PHF1: variants seen among roughly 807,000 people sequenced by gnomAD.
PHF1 encodes polycomb-like 1.
In PHF1, 16 loss-of-function variants were observed where a neutral mutation model predicts 69.4. The ratio of observed to expected loss-of-function variants is 0.23; its 90% CI spans 0.16 to 0.35. The LOEUF (loss-of-function observed/expected upper bound fraction) is 0.35. Among genes scored for constraint, PHF1 ranks in the 10% least tolerant of loss-of-function variants. The pLI, the probability that PHF1 is intolerant of heterozygous loss-of-function variation, is 1.00. For missense variants in PHF1, 515 were observed against 732.8 expected, an observed-to-expected ratio of 0.70 and a Z score of 3.43; for synonymous variants, 274 against 275.0, an observed-to-expected ratio of 1.00 and a Z score of 0.04.
chr6:33,415,470 G>A, intron 13 of PHF1, 120 bp from the exon 14 acceptor site: 1 of 1,252,726 alleles, frequency 8.0e-7, no homozygotes, highest in Non-Finnish European at 1.2e-6. Context: ...ACTAGTGTCT[G>A]GTAGCCAGTA....
chr6:33,410,498 C>T (rs1182701341), upstream of PHF1: 2 of 123,182 alleles, frequency 1.6e-5, no homozygotes, highest in Non-Finnish European at 3.5e-5. Context: ...GGGGCTCAGT[C>T]CTCCCAGGTG....
chr6:33,410,442 C>T (rs897149723), upstream of PHF1: 1 of 151,914 alleles, frequency 6.6e-6, no homozygotes, highest in Non-Finnish European at 1.5e-5. Context: ...CGCACGCCCG[C>T]CGACTCCCTC....
In PHF1 at chr6:33,412,433, C is replaced by G; in HGVS notation, c.159+11C>G. 1 of 1,614,190 alleles carries G rather than the reference C, an allele frequency of 6.2e-7. No homozygotes were observed. The highest frequency in any genetic ancestry group is 8.5e-7 in the Non-Finnish European group (1 of 1,179,986). On this transcript the variant is annotated intron_variant, in intron 2 of 14. Transcript: ENST00000374516. This position sits in a 1 kb window ranked among gnomAD's most constrained non-coding sequence, Gnocchi z 4.2. The stretch of plus-strand genomic sequence containing the variant: ...GGTACCATCAAAAAGGTAAGACCTT[C>G]TACCTCTGACCTTCTTCCTAGTTCC...
Position 33,412,874 on chromosome 6 carries a change from C to A in PHF1, c.337+81C>A. On this transcript the variant is annotated intron_variant, in intron 4 of 14. Coordinates refer to ENST00000374516, the MANE Select transcript of PHF1 (RefSeq NM_024165.3). The surrounding 1 kb of genome is among the most constrained non-coding windows in gnomAD (Gnocchi z 4.2). ...CTATATCACCTGTCCTGGCCTTAGT[C>A]CCCAAGCCACTGCTCTGGCCAGGCT... 2 of 1,157,540 alleles carry A rather than the reference C, an allele frequency of 1.7e-6. No individual in the cohort carries two copies. The highest frequency in any genetic ancestry group is 1.3e-6 in the Non-Finnish European group (1 of 769,808). The allele number at this position is 1,157,540 out of a possible 1,614,324, so 71.7% of individuals were successfully genotyped here.
At position 33,414,634 on chromosome 6, in the gene PHF1, G is replaced by A; in HGVS notation, c.944+90G>A. ...AGGGGAGGGGCTTGCAACCCACCTG[G>A]AAGACTGTGACTGAAAAGGATTGAG... On this transcript the variant is annotated intron_variant, in intron 10 of 14. Coordinates refer to ENST00000374516, the MANE Select transcript of PHF1 (RefSeq NM_024165.3). This position sits in a 1 kb window ranked among gnomAD's most constrained non-coding sequence, Gnocchi z 5.0. 3 of 1,527,600 alleles carry A rather than the reference G, an allele frequency of 2.0e-6. No individual in the cohort carries two copies. Among genetic ancestry groups the A allele is most frequent in the Non-Finnish European group, 2.7e-6 (3 of 1,118,540 alleles). 94.6% of individuals were successfully genotyped at this position (1,527,600 alleles called of 1,614,324 possible).
At chr6:33,411,535 A>G (rs948083702) in intron 1 of PHF1, among the ~76,000 whole-genome samples, 1 of 152,216 alleles carries the variant, frequency 6.6e-6, no homozygotes, top group Non-Finnish European at 1.5e-5. Flanking sequence ...AAACATCTCC[A>G]GAAAAGGTCC....
rs950326365 is a variant in PHF1 at position 33,414,919 on chromosome 6, G to T, written c.1050-36G>T. On this transcript the variant is annotated intron_variant, in intron 11 of 14. Transcript: ENST00000374516. The surrounding 1 kb of genome is among the most constrained non-coding windows in gnomAD (Gnocchi z 5.0). ...AGATGGGGAGGTCTTGGGGGTGTCC[G>T]GGAGGGGGCTGGGGGGATAAGGAGG... 4 of 1,522,866 alleles carry T rather than the reference G, an allele frequency of 2.6e-6. No homozygotes were observed. The highest frequency in any genetic ancestry group is 3.5e-6 in the Non-Finnish European group (4 of 1,133,532). The allele number at this position is 1,522,866 out of a possible 1,614,324, so 94.3% of individuals were successfully genotyped here.
In PHF1 at chr6:33,412,280, G is replaced by C; in HGVS notation, c.17G>C (p.Arg6Pro). Residue 6 changes from arginine (R) to proline (P), a missense_variant, in exon 2 of 15, where the codon CGG (arginine) becomes CCG (proline). Arg to Pro is a moderately radical substitution (Grantham distance 103, BLOSUM62 -2). This residue lies in a region of PHF1 where 52 missense variants were observed against 48.2 expected (regional missense o/e 1.08). Transcript: ENST00000374516. The surrounding 1 kb of genome is among the most constrained non-coding windows in gnomAD (Gnocchi z 4.2). ...CAGGATGCAATGGCGCAGCCCCCCC[G>C]GCTGAGCCGCTCTGGTGCCTCCTCA... is the stretch of plus-strand genomic sequence containing the variant. MAQPP[R>P]LSRSGASSLW... 1 of 1,613,622 alleles carries C rather than the reference G, an allele frequency of 6.2e-7. No homozygotes were observed. Among genetic ancestry groups the C allele is most frequent in the South Asian group, 1.1e-5 (1 of 91,062 alleles).
At chr6:33,410,967 C>T, upstream of PHF1, 1 of 135,876 alleles carries the variant, frequency 7.4e-6, no homozygotes, top group Non-Finnish European at 1.5e-5. Flanking sequence ...CCACCACCCT[C>T]CCCCCCAACC....
In PHF1 at chr6:33,412,717, A is replaced by T. The variant is rs1202422132; in HGVS notation, c.261A>T (p.Glu87Asp). The change falls in exon 4 of 15, where the codon GAA becomes GAT. Residue 87 changes from glutamate to aspartate, a missense_variant. Physicochemically the swap from Glu to Asp is conservative, Grantham distance 45. Around this residue, in one of 5 missense-constraint regions of PHF1, gnomAD observed 25 missense variants for 21.5 expected, o/e 1.16. Transcript: ENST00000374516. The surrounding 1 kb of genome is among the most constrained non-coding windows in gnomAD (Gnocchi z 4.2). ...TCACAGCTGCCCTCCCTGGAGAGGA[A>T]CTCCTCTGTTGTGTCTGTCGCTCTG... ...DISPAALPGE[E>D]LLCCVCRSET... 1.9e-6 allele frequency: 3 copies of T among 1,613,782 alleles called. No individual in the cohort carries two copies. The highest frequency in any genetic ancestry group is 2.7e-5 in the African/African-American group (2 of 74,818).
In PHF1 at chr6:33,415,011, G is replaced by A. The variant is rs553949897; in HGVS notation, c.1106G>A (p.Arg369Gln). The change falls in exon 12 of 15, where the codon CGG becomes CAG. Residue 369 changes from arginine (R) to glutamine (Q), a missense_variant. Physicochemically the swap from Arg to Gln is conservative, Grantham distance 43. Transcript: ENST00000374516. ...GTCTCACGTCCCCTGGGGAAGCGCCGGAGGCCGGAGCCAGAGCCCCTGAGG... is the reference window on the plus strand; with the variant it reads ...GTCTCACGTCCCCTGGGGAAGCGCCAGAGGCCGGAGCCAGAGCCCCTGAGG... The part of the protein sequence containing the change: ...GGVSRPLGKR[R>Q]RPEPEPLRRR... 1.2e-5 allele frequency: 19 copies of A among 1,568,152 alleles called. No individual in the cohort carries two copies. The highest frequency in any genetic ancestry group is 1.9e-4 in the Middle Eastern group (1 of 5,186).
chr6:33,412,254 C>G lies in PHF1; in HGVS notation c.-10C>G, dbSNP rs753675237. On this transcript the variant is annotated 5_prime_UTR_variant, in exon 2 of 15. Transcript: ENST00000374516. The surrounding 1 kb of genome is among the most constrained non-coding windows in gnomAD (Gnocchi z 4.2). Reference sequence around the variant, plus strand: ...CCATTTCTTTTCTGGCTAGGCCCCCCCAGGATGCAATGGCGCAGCCCCCCC... The same window carrying G: ...CCATTTCTTTTCTGGCTAGGCCCCCGCAGGATGCAATGGCGCAGCCCCCCC... The G allele has an allele frequency of 7.5e-6, 12 of 1,609,104 alleles. No individual in the cohort carries two copies. Among genetic ancestry groups the G allele is most frequent in the Admixed American group, 1.7e-5 (1 of 59,958 alleles).
At position 33,412,459 on chromosome 6, in the gene PHF1, C is replaced by T. The variant is rs774132381; in HGVS notation, c.159+37C>T. ...TACCTCTGACCTTCTTCCTAGTTCC[C>T]TTATCTAATTCTGGTTCCCATTTCA... On this transcript the variant is annotated intron_variant, in intron 2 of 14. Coordinates refer to ENST00000374516, the MANE Select transcript of PHF1 (RefSeq NM_024165.3). The surrounding 1 kb of genome is among the most constrained non-coding windows in gnomAD (Gnocchi z 4.2). 3 of 1,614,206 alleles carry T rather than the reference C, an allele frequency of 1.9e-6. No homozygotes were observed. Among genetic ancestry groups the T allele is most frequent in the Non-Finnish European group, 2.5e-6 (3 of 1,179,998 alleles).
chr6:33,411,970 G>A (rs757629285), intron 1 of PHF1, among the ~76,000 whole-genome samples: 1 of 152,166 alleles, frequency 6.6e-6, no homozygotes, highest in Non-Finnish European at 1.5e-5. Context: ...AGACCAGTTT[G>A]GCCAACATGG....
At position 33,412,931 on chromosome 6, in the gene PHF1, C is replaced by T. The variant is rs1237095532; in HGVS notation, c.337+138C>T. ...CCTTATCTTAGTCCTCATCCGCTTTCAGCCCAGGGAGAAGCAGCCATGGAA... is the reference window on the plus strand; with the variant it reads ...CCTTATCTTAGTCCTCATCCGCTTTTAGCCCAGGGAGAAGCAGCCATGGAA... On this transcript the variant is annotated intron_variant, in intron 4 of 14. Transcript: ENST00000374516. The surrounding 1 kb of genome is among the most constrained non-coding windows in gnomAD (Gnocchi z 4.2). The T allele has an allele frequency of 6.5e-6, 5 of 769,666 alleles. No homozygotes were observed. Among genetic ancestry groups the T allele is most frequent in the African/African-American group, 1.7e-5 (1 of 57,764 alleles). 47.7% of individuals were successfully genotyped at this position (769,666 alleles called of 1,614,324 possible).
rs1167315941 is a variant in PHF1, at chr6:33,414,856, A to G, written c.1049+27A>G. On this transcript the variant is annotated intron_variant, in intron 11 of 14. Coordinates refer to ENST00000374516, the MANE Select transcript of PHF1 (RefSeq NM_024165.3). This position sits in a 1 kb window ranked among gnomAD's most constrained non-coding sequence, Gnocchi z 5.0. ...TCACTGGTCCAGGGGGGATGGGGGA[A>G]ATTCTCAGGGTGTTAGTCCTGGGGG... is the stretch of plus-strand genomic sequence containing the variant. 6.3e-7 allele frequency: 1 copy of G among 1,589,332 alleles called. No individual in the cohort carries two copies. Among genetic ancestry groups the G allele is most frequent in the African/African-American group, 1.4e-5 (1 of 73,270 alleles).
Position 33,412,289 on chromosome 6 carries a change from G to T in PHF1, c.26G>T (p.Arg9Leu), listed in dbSNP as rs138236983. The change falls in exon 2 of 15, where the codon CGC becomes CTC. Residue 9 changes from arginine (R) to leucine (L), a missense_variant. Around this residue, in one of 5 missense-constraint regions of PHF1, gnomAD observed 52 missense variants for 48.2 expected, o/e 1.08. Transcript: ENST00000374516. The surrounding 1 kb of genome is among the most constrained non-coding windows in gnomAD (Gnocchi z 4.2). Reference sequence around the variant, plus strand: ...ATGGCGCAGCCCCCCCGGCTGAGCCGCTCTGGTGCCTCCTCACTTTGGGAC... The same window carrying T: ...ATGGCGCAGCCCCCCCGGCTGAGCCTCTCTGGTGCCTCCTCACTTTGGGAC... MAQPPRLS[R>L]SGASSLWDPA... The T allele has an allele frequency of 6.2e-7, 1 of 1,613,850 alleles. No homozygotes were observed. Among genetic ancestry groups the T allele is most frequent in the Admixed American group, 1.7e-5 (1 of 60,004 alleles).
chr6:33,410,498 C>A (rs1182701341), upstream of PHF1: 1 of 123,182 alleles, frequency 8.1e-6, no homozygotes, highest in African/African-American at 3.1e-5. Context: ...GGGGCTCAGT[C>A]CTCCCAGGTG....
Position 33,412,947 on chromosome 6 carries a change from A to G in PHF1, c.337+154A>G, listed in dbSNP as rs891747853. On this transcript the variant is annotated intron_variant, in intron 4 of 14. Transcript: ENST00000374516. The surrounding 1 kb of genome is among the most constrained non-coding windows in gnomAD (Gnocchi z 4.2). ...ATCCGCTTTCAGCCCAGGGAGAAGC[A>G]GCCATGGAAAGGGGTGGTATAACCT... 1 of 712,750 alleles carries G rather than the reference A, an allele frequency of 1.4e-6. No homozygotes were observed. The highest frequency in any genetic ancestry group is 1.8e-5 in the African/African-American group (1 of 56,474). 44.2% of individuals were successfully genotyped at this position (712,750 alleles called of 1,614,324 possible). A position where few individuals can be genotyped will look rare whatever the true frequency, so the allele number is the denominator to read the frequency against.
Sources: allele counts gnomAD v4.1 joint callset (sites outside exome capture counted in the v4.1 genomes callset), GRCh38; gene constraint gnomAD v4.1.1; regional missense constraint gnomAD v4.1.1; non-coding constraint Gnocchi (gnomAD v3.1); transcripts MANE v1.5; gene names NCBI Gene and HGNC (gene_info 2026-07-23, HGNC 2026-07-21).